Variants in SYBU observed in about 807,000 individuals in gnomAD.
The protein encoded by SYBU is GOLSYN A protein.
Under a neutral mutation model 35.9 loss-of-function variants are expected in SYBU, and 21 were observed. That is an observed-to-expected ratio of 0.58 (90% CI 0.41 to 0.84). The LOEUF (loss-of-function observed/expected upper bound fraction) is 0.84, where lower values mean the gene tolerates loss of function less well. SYBU is among the 40% of genes least tolerant of loss of function. The pLI is 0.00. For missense variants in SYBU, 768 were observed against 848.2 expected (o/e 0.91, Z 1.17); for synonymous variants, 319 against 324.3 (o/e 0.98, Z 0.18).
chr8:109,685,778 T>C (rs965709654), upstream of SYBU, among the ~76,000 whole-genome samples: 2 of 152,182 alleles, frequency 1.3e-5, no homozygotes, highest in Admixed American at 6.5e-5. Context: ...ATAATTTTTA[T>C]TTAAAATTAT....
intron 2 of SYBU, among the ~76,000 whole-genome samples, chr8:109,625,137 A>G (rs539418794): frequency 1.1e-4 from 14 of 127,166 alleles, no homozygotes; most frequent in Admixed American, 9.6e-4. Flanking sequence ...TGCTTTTTTT[A>G]AAAAAAAAAG....
chr8:109,587,543 C>T (rs147552319), intron 3 of SYBU, among the ~76,000 whole-genome samples: 11 of 152,250 alleles, frequency 7.2e-5, no homozygotes, highest in African/African-American at 2.6e-4. Context: ...TATACATTAC[C>T]ATCTCCCTAA....
intron 1 of SYBU, among the ~76,000 whole-genome samples, chr8:109,677,351 T>C (rs1817229901): frequency 6.6e-6 from 1 of 152,220 alleles, no homozygotes; most frequent in Non-Finnish European, 1.5e-5. Flanking sequence ...AGTTATTTCT[T>C]TTCTTTAACA....
rs745700455 is a variant in SYBU, at chr8:109,644,374, C to T, written c.24+262G>A. On this transcript the variant is annotated intron_variant, in intron 1 of 6. Transcript: ENST00000276646. ...ACAGGATATCAACTGAAAGCTACACCCCACAGTCCCAGTTTCAGGAGGTGG... is the reference window on the plus strand; with the variant it reads ...ACAGGATATCAACTGAAAGCTACACTCCACAGTCCCAGTTTCAGGAGGTGG... Among the ~76,000 whole-genome samples the T allele has an allele frequency of 3.3e-5, 5 of 152,070 alleles. 1 individual carries two copies. Among genetic ancestry groups the T allele is most frequent in the Non-Finnish European group, 5.9e-5 (4 of 68,004 alleles).
At chr8:109,662,668 G>A (rs10106809) in intron 1 of SYBU, among the ~76,000 whole-genome samples, 18,864 of 152,166 alleles carry the variant, frequency 0.12, 3,288 homozygotes, top group African/African-American at 0.39. Flanking sequence ...CATGGGTTCT[G>A]TAGTATCTAT....
rs372285550 is a variant in SYBU at position 109,642,752 on chromosome 8, C to T, written c.205G>A (p.Val69Ile). The change falls in exon 2 of 7, where the codon GTT becomes ATT. Residue 69 changes from valine to isoleucine, a missense_variant. Val to Ile is a conservative substitution (Grantham distance 29). Coordinates refer to ENST00000276646, the MANE Select transcript of SYBU (RefSeq NM_001099754.2). ...PSSSGRSART[V>I]SSNSFCSDDT... The stretch of plus-strand genomic sequence containing the variant: ...CCTGAGCAGAAGCTGTTGCTGCTAA[C>T]GGTCCTCGCTGAGCGCCCAGAGCTG... The T allele has an allele frequency of 6.2e-6, 10 of 1,607,712 alleles. No individual in the cohort carries two copies. The highest frequency in any genetic ancestry group is 2.2e-5 in the South Asian group (2 of 90,080).
Position 109,640,790 on chromosome 8 carries a change from T to A in SYBU, c.229+1938A>T, listed in dbSNP as rs146605969. Among the ~76,000 whole-genome samples, 686 of 137,524 alleles carry A rather than the reference T, an allele frequency of 5.0e-3. 5 individuals carry two copies. Among genetic ancestry groups the A allele is most frequent in the African/African-American group, 0.017 (611 of 36,890 alleles). 90.2% of individuals were successfully genotyped at this position (137,524 alleles called of 152,430 possible). On this transcript the variant is annotated intron_variant, in intron 2 of 6. Coordinates refer to ENST00000276646, the MANE Select transcript of SYBU (RefSeq NM_001099754.2). The stretch of plus-strand genomic sequence containing the variant: ...TTCAGAATCAAGCAGACAATTTGAT[T>A]AGCAAATTGTTAGCAAAAAATTAGT...
At chr8:109,661,430 A>G (rs938991003) in intron 1 of SYBU, among the ~76,000 whole-genome samples, 1 of 152,196 alleles carries the variant, frequency 6.6e-6, no homozygotes, top group Non-Finnish European at 1.5e-5. Flanking sequence ...TGTAAATGCA[A>G]TGAGAATGAG....
At chr8:109,608,047 G>T in intron 3 of SYBU, 1 of 1,174,446 alleles carries the variant, frequency 8.5e-7, no homozygotes, top group Non-Finnish European at 1.2e-6. Flanking sequence ...CTCAGAGTGG[G>T]GTATCCATGG....
intron 6 of SYBU, 121 bp from the exon 7 acceptor site, chr8:109,576,134 C>A: frequency 8.2e-7 from 1 of 1,212,948 alleles, no homozygotes; most frequent in Non-Finnish European, 1.1e-6. Flanking sequence ...CATACTCTTC[C>A]ACTTGAAATA....
At chr8:109,679,161 T>C (rs548690084) in intron 1 of SYBU, among the ~76,000 whole-genome samples, 17 of 152,320 alleles carry the variant, frequency 1.1e-4, no homozygotes, top group African/African-American at 4.1e-4. Flanking sequence ...ACCAGCGCCA[T>C]GACAGTTTAT....
intron 1 of SYBU, among the ~76,000 whole-genome samples, chr8:109,672,005 G>A (rs1332434556): frequency 7.9e-5 from 12 of 152,108 alleles, no homozygotes; most frequent in Middle Eastern, 3.2e-3. Flanking sequence ...AGTTTCAAGC[G>A]ATTCTCCTGC....
At chr8:109,688,718 C>T (rs1169757238) in intron 1 of SYBU, among the ~76,000 whole-genome samples, 3 of 150,318 alleles carry the variant, frequency 2.0e-5, no homozygotes, top group Non-Finnish European at 4.4e-5. Context: ...CCACAGAAAA[C>T]ATCCTGCTAA....
chr8:109,655,935 G>C (rs550760818), intron 1 of SYBU, among the ~76,000 whole-genome samples: 1 of 152,050 alleles, frequency 6.6e-6, no homozygotes, highest in Non-Finnish European at 1.5e-5. Flanking sequence ...GCCAACATGG[G>C]GAAACCCCAT....
At chr8:109,632,695 T>A (rs533823033) in intron 2 of SYBU, among the ~76,000 whole-genome samples, 1 of 152,170 alleles carries the variant, frequency 6.6e-6, no homozygotes. Context: ...AAAAATATAG[T>A]CTAATTCCAG....
At chr8:109,595,668 A>T (rs1824788875) in intron 3 of SYBU, among the ~76,000 whole-genome samples, 1 of 152,228 alleles carries the variant, frequency 6.6e-6, no homozygotes, top group African/African-American at 2.4e-5. Flanking sequence ...TTTTGAAGCC[A>T]TTTACAACAA....
In SYBU at chr8:109,691,284, G is replaced by C; in HGVS notation, c.-58+49C>G. The C allele has an allele frequency of 1.4e-6, 1 of 696,666 alleles. No individual in the cohort carries two copies. Among genetic ancestry groups the C allele is most frequent in the South Asian group, 1.5e-5 (1 of 66,784 alleles). 43.2% of individuals were successfully genotyped at this position (696,666 alleles called of 1,614,324 possible). A position where few individuals can be genotyped will look rare whatever the true frequency, so the allele number is the denominator to read the frequency against. On this transcript the variant is annotated intron_variant, in intron 1 of 7. Coordinates refer to the SYBU transcript ENST00000422135. This position sits in a 1 kb window ranked among gnomAD's most constrained non-coding sequence, Gnocchi z 4.7. Reference sequence around the variant, plus strand: ...ACCGAAGACCATCAGTTGCCCTCCCGTGTCCGCGGGCACTGACAGCAGAGA... The same window carrying C: ...ACCGAAGACCATCAGTTGCCCTCCCCTGTCCGCGGGCACTGACAGCAGAGA...
intron 3 of SYBU, among the ~76,000 whole-genome samples, chr8:109,591,575 A>C (rs1231240311): frequency 1.5e-5 from 2 of 131,576 alleles, no homozygotes; most frequent in Admixed American, 8.5e-5. Context: ...GCAGTGGCGC[A>C]ATCTCGGCTC....
chr8:109,688,438 G>C (rs1563782272), intron 1 of SYBU, among the ~76,000 whole-genome samples: 1 of 152,172 alleles, frequency 6.6e-6, no homozygotes, highest in African/African-American at 2.4e-5. Flanking sequence ...GACCACAGAA[G>C]CTTTAGTCTC....
Sources: allele counts gnomAD v4.1 joint callset (sites outside exome capture counted in the v4.1 genomes callset), GRCh38; gene constraint gnomAD v4.1.1; non-coding constraint Gnocchi (gnomAD v3.1); transcripts MANE v1.5; gene names NCBI Gene and HGNC (gene_info 2026-07-23, HGNC 2026-07-21).